SGTA: variants seen among roughly 807,000 people sequenced by gnomAD.
SGTA encodes the protein small glutamine-rich tetratricopeptide repeat-containing protein alpha.
A neutral mutation model predicts 44.3 loss-of-function variants in SGTA; 22 were observed. The observed-to-expected ratio is 0.50, with a 90% CI of 0.36 to 0.71. The LOEUF (loss-of-function observed/expected upper bound fraction) is 0.71. Among genes scored for constraint, SGTA ranks in the 30% least tolerant of loss-of-function variants. SGTA has a pLI of 0.00. For synonymous variants in SGTA, 174 were observed against 177.6 expected (o/e 0.98, Z 0.16); for missense variants, 341 against 435.9 (o/e 0.78, Z 1.94).
At chr19:2,779,743 T>A (rs537307288) in intron 1 of SGTA, among the ~76,000 whole-genome samples, 1 of 152,338 alleles carries the variant, frequency 6.6e-6, no homozygotes, top group African/African-American at 2.4e-5. Context: ...ACATCCCACC[T>A]TTTCATTTTA....
In SGTA at chr19:2,767,580, C is replaced by T; in HGVS notation, c.207G>A (p.Lys69=). ...TGGCTGGGGAAGCATCGAGGCTCAC[C>T]TTGCCCGTGGCAGCCGCTTCAAATA... ...PEIFEAAATG[K]EMPQDLRSPA... is the part of the protein sequence containing the mutation. The change falls in exon 3 of 12, where the codon AAG becomes AAA. Residue 69 remains lysine (K), a splice_region_variant and synonymous_variant. Transcript: ENST00000221566. The surrounding 1 kb of genome is among the most constrained non-coding windows in gnomAD (Gnocchi z 7.3). 1.2e-6 allele frequency: 2 copies of T among 1,612,240 alleles called. No homozygotes were observed. Among genetic ancestry groups the T allele is most frequent in the Non-Finnish European group, 1.7e-6 (2 of 1,179,140 alleles).
rs749012382 is a variant in SGTA, at chr19:2,761,542, T to C, written c.637-20A>G. On this transcript the variant is annotated intron_variant, in intron 7 of 11. Coordinates refer to ENST00000221566, the MANE Select transcript of SGTA (RefSeq NM_003021.4). The surrounding 1 kb of genome is among the most constrained non-coding windows in gnomAD (Gnocchi z 5.7). Reference sequence around the variant, plus strand: ...TCCCGTCTGAGGATGAGAACAGCCCTGGTTAGTGGGGCCTGGACCAGAGGC... The same window carrying C: ...TCCCGTCTGAGGATGAGAACAGCCCCGGTTAGTGGGGCCTGGACCAGAGGC... 53 of 1,549,236 alleles carry C rather than the reference T, an allele frequency of 3.4e-5. No homozygotes were observed. Among genetic ancestry groups the C allele is most frequent in the Middle Eastern group, 1.7e-4 (1 of 6,004 alleles).
chr19:2,776,258 C>T (rs1258514054), intron 1 of SGTA, among the ~76,000 whole-genome samples: 2 of 152,202 alleles, frequency 1.3e-5, no homozygotes, highest in African/African-American at 2.4e-5. Flanking sequence ...TTTTTAAGCA[C>T]GTTTTGACAA....
At chr19:2,778,217 G>A (rs888860799) in intron 1 of SGTA, among the ~76,000 whole-genome samples, 1 of 152,072 alleles carries the variant, frequency 6.6e-6, no homozygotes, top group African/African-American at 2.4e-5. Flanking sequence ...GGGGTGTGGG[G>A]GGCAGGGGTG....
intron 1 of SGTA, among the ~76,000 whole-genome samples, chr19:2,769,526 G>A (rs969944181): frequency 6.6e-6 from 1 of 152,220 alleles, no homozygotes; most frequent in East Asian, 1.9e-4. Flanking sequence ...AGTGCTGAGA[G>A]GGAGAGACCT....
At chr19:2,771,899 C>A (rs892665160) in intron 1 of SGTA, among the ~76,000 whole-genome samples, 3 of 152,224 alleles carry the variant, frequency 2.0e-5, no homozygotes, top group African/African-American at 7.2e-5. Context: ...CCCTTCTCCA[C>A]CTGCTCCTTC....
At chr19:2,781,012 G>A (rs921279195) in intron 1 of SGTA, among the ~76,000 whole-genome samples, 1 of 152,198 alleles carries the variant, frequency 6.6e-6, no homozygotes, top group Non-Finnish European at 1.5e-5. Context: ...GAGCCTGGGA[G>A]GTCGAGGCTG....
intron 6 of SGTA, 24 bp from the exon 7 acceptor site, chr19:2,762,668 A>C (rs1915031461): frequency 1.2e-6 from 2 of 1,612,648 alleles, no homozygotes; most frequent in Admixed American, 1.7e-5. Context: ...CCGGGGATGG[A>C]CTGTTCCCAT....
In SGTA at chr19:2,761,663, C is replaced by A. The variant is rs2144722858; in HGVS notation, c.637-141G>T. ...CGGCCAGAGGGTGCTTTGAGGCAGG[C>A]AGCACGAAGCACATCGCAACCGCCC... is the stretch of plus-strand genomic sequence containing the variant. On this transcript the variant is annotated intron_variant, in intron 7 of 11. Coordinates refer to ENST00000221566, the MANE Select transcript of SGTA (RefSeq NM_003021.4). This position sits in a 1 kb window ranked among gnomAD's most constrained non-coding sequence, Gnocchi z 5.7. 1 of 702,982 alleles carries A rather than the reference C, an allele frequency of 1.4e-6. No individual in the cohort carries two copies. The highest frequency in any genetic ancestry group is 2.7e-5 in the East Asian group (1 of 36,798). The allele number at this position is 702,982 out of a possible 1,614,324, so 43.5% of individuals were successfully genotyped here. A position where few individuals can be genotyped will look rare whatever the true frequency, so the allele number is the denominator to read the frequency against.
chr19:2,758,227 T>C (rs974854740), intron 9 of SGTA, among the ~76,000 whole-genome samples: 3 of 152,118 alleles, frequency 2.0e-5, no homozygotes, highest in Non-Finnish European at 4.4e-5. Context: ...TGGGAAACCA[T>C]GCTTTAAGAT....
intron 5 of SGTA, among the ~76,000 whole-genome samples, chr19:2,764,618 G>A (rs1915088723): frequency 6.6e-6 from 1 of 152,136 alleles, no homozygotes; most frequent in African/African-American, 2.4e-5. Flanking sequence ...TGTCACCCAA[G>A]ATGGAGGGCA....
In SGTA at chr19:2,767,003, G is replaced by T; in HGVS notation, c.292+133C>A. 1 of 720,736 alleles carries T rather than the reference G, an allele frequency of 1.4e-6. No homozygotes were observed. Among genetic ancestry groups the T allele is most frequent in the Non-Finnish European group, 2.5e-6 (1 of 400,020 alleles). 44.6% of individuals were successfully genotyped at this position (720,736 alleles called of 1,614,324 possible). On this transcript the variant is annotated intron_variant, in intron 4 of 11. Coordinates refer to ENST00000221566, the MANE Select transcript of SGTA (RefSeq NM_003021.4). The surrounding 1 kb of genome is among the most constrained non-coding windows in gnomAD (Gnocchi z 7.3). ...CCCCCTTCCGTCCCCGTCCCCACAA[G>T]CCAGCGTGCTGGTCATCAGGGCAAT...
rs1020199103 is a variant in SGTA, at chr19:2,781,938, T to A, written c.-24+1295A>T. Among the ~76,000 whole-genome samples, 4 of 150,310 alleles carry A rather than the reference T, an allele frequency of 2.7e-5. No homozygotes were observed. In the East Asian group the frequency reaches 5.9e-4, roughly 22 times the overall value. On this transcript the variant is annotated intron_variant, in intron 1 of 11. Coordinates refer to ENST00000221566, the MANE Select transcript of SGTA (RefSeq NM_003021.4). ...GTCACTGCAACCTCTGCCTCCTGGG[T>A]TCAAGGGATTCTCCTGCCTCAGCCT...
intron 11 of SGTA, among the ~76,000 whole-genome samples, chr19:2,756,137 G>GA (rs1295740155): frequency 2.0e-5 from 3 of 152,104 alleles, no homozygotes; most frequent in Non-Finnish European, 4.4e-5. Flanking sequence ...ACATCGCCAT[G>GA]ACCTAGAAGG....
At position 2,761,963 on chromosome 19, in the gene SGTA, T is replaced by G. The variant is rs542898439; in HGVS notation, c.637-441A>C. ...TCCTGTATTCTGCCGCTTTGACACC[T>G]TGGGGCCTTGCTGGCCTGGCAGAGC... On this transcript the variant is annotated intron_variant, in intron 7 of 11. Coordinates refer to ENST00000221566, the MANE Select transcript of SGTA (RefSeq NM_003021.4). This position sits in a 1 kb window ranked among gnomAD's most constrained non-coding sequence, Gnocchi z 5.7. Among the ~76,000 whole-genome samples the G allele has an allele frequency of 2.0e-5, 3 of 152,300 alleles. No individual in the cohort carries two copies. The highest frequency in any genetic ancestry group is 7.2e-5 in the African/African-American group (3 of 41,558).
rs1915068128 is a variant in SGTA at position 2,763,785 on chromosome 19, C to G, written c.393-28G>C. 6.3e-7 allele frequency: 1 copy of G among 1,593,518 alleles called. No individual in the cohort carries two copies. The highest frequency in any genetic ancestry group is 1.1e-5 in the South Asian group (1 of 89,610). ...GGGGAAGAAAAGGCAGGGCAGGTCC[C>G]TCACTGGCGGCTCTGAGCCCAGCGG... On this transcript the variant is annotated intron_variant, in intron 5 of 11. Coordinates refer to ENST00000221566, the MANE Select transcript of SGTA (RefSeq NM_003021.4). The surrounding 1 kb of genome is among the most constrained non-coding windows in gnomAD (Gnocchi z 5.8).
Position 2,763,838 on chromosome 19 carries a change from G to T in SGTA, c.393-81C>A. On this transcript the variant is annotated intron_variant, in intron 5 of 11. Coordinates refer to ENST00000221566, the MANE Select transcript of SGTA (RefSeq NM_003021.4). The surrounding 1 kb of genome is among the most constrained non-coding windows in gnomAD (Gnocchi z 5.8). Reference sequence around the variant, plus strand: ...AGCCCTTGAGGGGAGCCTGAGAGCTGCGTTCCTCTCCAACTTCCTGGAGGA... The same window carrying T: ...AGCCCTTGAGGGGAGCCTGAGAGCTTCGTTCCTCTCCAACTTCCTGGAGGA... 9.2e-7 allele frequency: 1 copy of T among 1,090,194 alleles called. No homozygotes were observed. Among genetic ancestry groups the T allele is most frequent in the Non-Finnish European group, 1.3e-6 (1 of 744,314 alleles). 67.5% of individuals were successfully genotyped at this position (1,090,194 alleles called of 1,614,324 possible). A position where few individuals can be genotyped will look rare whatever the true frequency, so the allele number is the denominator to read the frequency against.
intron 11 of SGTA, among the ~76,000 whole-genome samples, chr19:2,756,917 G>A (rs935268964): frequency 2.6e-5 from 4 of 152,160 alleles, no homozygotes; most frequent in Admixed American, 6.5e-5. Context: ...GCAGGTACCC[G>A]GCTTGTCCTT....
chr19:2,767,584 C>A lies in SGTA; in HGVS notation c.203G>T (p.Gly68Val). The A allele has an allele frequency of 6.2e-7, 1 of 1,612,114 alleles. No homozygotes were observed. Among genetic ancestry groups the A allele is most frequent in the Non-Finnish European group, 8.5e-7 (1 of 1,179,032 alleles). ...TGGGGAAGCATCGAGGCTCACCTTG[C>A]CCGTGGCAGCCGCTTCAAATATCTC... ...LPEIFEAAAT[G>V]KEMPQDLRSP... The change falls in exon 3 of 12, where the codon GGC becomes GTC. Residue 68 changes from glycine to valine, a missense_variant. By Grantham distance (109) the Gly-to-Val change is moderately radical (BLOSUM62 -3). Coordinates refer to ENST00000221566, the MANE Select transcript of SGTA (RefSeq NM_003021.4). The surrounding 1 kb of genome is among the most constrained non-coding windows in gnomAD (Gnocchi z 7.3).
Sources: allele counts gnomAD v4.1 joint callset (sites outside exome capture counted in the v4.1 genomes callset), GRCh38; gene constraint gnomAD v4.1.1; non-coding constraint Gnocchi (gnomAD v3.1); transcripts MANE v1.5; gene names NCBI Gene and HGNC (gene_info 2026-07-23, HGNC 2026-07-21).